The following CCNJL variants were observed in gnomAD, a reference collection of about 807,000 sequenced individuals.
The protein encoded by CCNJL is cyclin-J-like protein.
Under a neutral mutation model 33.4 loss-of-function variants are expected in CCNJL, and 33 were observed. The observed-to-expected ratio is 0.99, with a 90% CI of 0.75 to 1.32. The LOEUF (loss-of-function observed/expected upper bound fraction) is 1.32. Ranked by LOEUF, CCNJL falls within the 40% of genes most tolerant of loss-of-function variation. The pLI, the probability that CCNJL is intolerant of heterozygous loss-of-function variation, is 0.00. For missense variants in CCNJL, 512 were observed against 499.7 expected, an observed-to-expected ratio of 1.02 and a Z score of -0.23; for synonymous variants, 227 against 220.9, an observed-to-expected ratio of 1.03 and a Z score of -0.24.
At chr5:160,268,432 G>C (rs1257957599) in intron 3 of CCNJL, among the ~76,000 whole-genome samples, 2 of 152,208 alleles carry the variant, frequency 1.3e-5, no homozygotes, top group African/African-American at 4.8e-5. Context: ...TTGTGGTGAG[G>C]GTGACATGAT....
At chr5:160,305,521 G>A (rs11960476) in intron 2 of CCNJL, among the ~76,000 whole-genome samples, 2,560 of 152,262 alleles carry the variant, frequency 0.017, 80 homozygotes, top group African/African-American at 0.059. Flanking sequence ...CAAGGCCCAC[G>A]TCCATAGCGG....
intron 2 of CCNJL, among the ~76,000 whole-genome samples, chr5:160,305,230 G>A (rs759931801): frequency 2.6e-5 from 4 of 152,138 alleles, no homozygotes; most frequent in South Asian, 2.1e-4. Context: ...ATAAAAGGAC[G>A]TGCAAGCTTC....
chr5:160,267,616 G>T (rs1015300185), intron 3 of CCNJL, among the ~76,000 whole-genome samples: 1 of 152,162 alleles, frequency 6.6e-6, no homozygotes, highest in Non-Finnish European at 1.5e-5. Flanking sequence ...CATAATAAGT[G>T]TATCTATCTG....
intron 2 of CCNJL, among the ~76,000 whole-genome samples, chr5:160,287,853 G>A (rs1762459149): frequency 6.6e-6 from 1 of 152,194 alleles, no homozygotes; most frequent in Admixed American, 6.5e-5. Flanking sequence ...CACAGGCGGT[G>A]AGAGTGTGGG....
intron 2 of CCNJL, chr5:160,281,061 A>G (rs987163627): frequency 5.2e-5 from 20 of 383,146 alleles, no homozygotes; most frequent in Non-Finnish European, 9.1e-5. Context: ...CTAAGTCCAA[A>G]TTCTTTTTTT....
chr5:160,273,322 C>T (rs1389796600), intron 3 of CCNJL, among the ~76,000 whole-genome samples: 1 of 152,202 alleles, frequency 6.6e-6, no homozygotes, highest in African/African-American at 2.4e-5. Context: ...AGCATTATAA[C>T]TTCTGCCTGA....
chr5:160,309,646 A>G (rs1316465352), intron 2 of CCNJL, among the ~76,000 whole-genome samples: 2 of 152,220 alleles, frequency 1.3e-5, no homozygotes, highest in East Asian at 1.9e-4. Context: ...AAGTTCCCCT[A>G]TTCTTCACTC....
At chr5:160,271,336 C>T (rs1761826231) in intron 3 of CCNJL, among the ~76,000 whole-genome samples, 1 of 152,124 alleles carries the variant, frequency 6.6e-6, no homozygotes, top group African/African-American at 2.4e-5. Flanking sequence ...GCTTGAAATA[C>T]AACCCCCACT....
At chr5:160,269,548 T>C (rs756510125) in intron 3 of CCNJL, 3 of 453,652 alleles carry the variant, frequency 6.6e-6, no homozygotes, top group Non-Finnish European at 1.3e-5. Flanking sequence ...TTCCGACCTA[T>C]GCGGGGAACA....
intron 1 of CCNJL, among the ~76,000 whole-genome samples, chr5:160,324,124 C>G (rs1309133915): frequency 1.3e-5 from 2 of 152,186 alleles, no homozygotes; most frequent in African/African-American, 4.8e-5. Flanking sequence ...TCTATTGGTT[C>G]TGGTTCTCTA....
intron 2 of CCNJL, among the ~76,000 whole-genome samples, chr5:160,308,284 GT>G (rs1269175823): frequency 6.6e-6 from 1 of 152,142 alleles, no homozygotes; most frequent in Admixed American, 6.5e-5. Context: ...GCTGTAAAAC[GT>G]TTCTCCCAGC....
intron 1 of CCNJL, among the ~76,000 whole-genome samples, chr5:160,329,805 T>C (rs1763584194): frequency 6.6e-6 from 1 of 152,206 alleles, no homozygotes; most frequent in Non-Finnish European, 1.5e-5. Flanking sequence ...ATCTGTCCAA[T>C]TCATGAATTG....
Position 160,253,588 on chromosome 5 carries a change from T to C in CCNJL, c.954A>G (p.Ser318=). 6.2e-7 allele frequency: 1 copy of C among 1,613,974 alleles called. No individual in the cohort carries two copies. Among genetic ancestry groups the C allele is most frequent in the Non-Finnish European group, 8.5e-7 (1 of 1,179,940 alleles). ...AYRDSLQAHR[S]GSLLSGSTGS... ...CTGTACTCCCCGAGAGCAGGCTCCCTGAACGGTGGGCCTGCAAGGAGTCCC... is the reference window on the plus strand; with the variant it reads ...CTGTACTCCCCGAGAGCAGGCTCCCCGAACGGTGGGCCTGCAAGGAGTCCC... Residue 318 remains serine, a synonymous_variant, in exon 6 of 6, where the codon TCA becomes TCG. Coordinates refer to ENST00000257536, the MANE Select transcript of CCNJL (RefSeq NM_001308173.3).
intron 4 of CCNJL, among the ~76,000 whole-genome samples, chr5:160,256,141 A>C (rs1761054553): frequency 6.6e-6 from 1 of 152,176 alleles, no homozygotes; most frequent in African/African-American, 2.4e-5. Context: ...CTCCTGCCTC[A>C]GCCTCCCAAA....
chr5:160,312,031 G>T, intron 1 of CCNJL, 59 bp from the exon 2 acceptor site: 1 of 1,089,360 alleles, frequency 9.2e-7, no homozygotes, highest in Non-Finnish European at 1.4e-6. Flanking sequence ...GACCCCCGGT[G>T]TCCCTATCCT....
intron 4 of CCNJL, 58 bp from the exon 5 acceptor site, chr5:160,255,766 C>A: frequency 6.7e-7 from 1 of 1,496,852 alleles, no homozygotes; most frequent in Non-Finnish European, 9.3e-7. Context: ...AATCCCAGGC[C>A]CACCCTGAGA....
chr5:160,254,048 G>T, intron 5 of CCNJL: 1 of 468,126 alleles, frequency 2.1e-6, no homozygotes, highest in East Asian at 3.3e-5. Flanking sequence ...TAGGCTGGCT[G>T]TCCCCACAGC....
At chr5:160,337,464 G>A (rs1330297067) in intron 1 of CCNJL, among the ~76,000 whole-genome samples, 2 of 152,020 alleles carry the variant, frequency 1.3e-5, no homozygotes, top group Non-Finnish European at 2.9e-5. Context: ...ATTATTTCAC[G>A]TCTCACTCAG....
chr5:160,272,405 C>T (rs975211758), intron 3 of CCNJL, among the ~76,000 whole-genome samples: 2 of 152,152 alleles, frequency 1.3e-5, no homozygotes, highest in Non-Finnish European at 2.9e-5. Flanking sequence ...TTAGTGGTAT[C>T]TGCCCTAAGA....
Sources: gnomAD v4.1 joint callset for allele counts (sites outside exome capture counted in the v4.1 genomes callset) on GRCh38, gnomAD v4.1.1 for gene constraint, MANE v1.5 for transcripts, NCBI Gene and HGNC (gene_info 2026-07-23, HGNC 2026-07-21) for gene names.